Variants in EVA1A observed in about 807,000 individuals in gnomAD.
The protein encoded by EVA1A is protein eva-1 homolog A.
A neutral mutation model predicts 9.8 loss-of-function variants in EVA1A; 7 were observed. The observed-to-expected ratio is 0.71, with a 90% CI of 0.41 to 1.34. The LOEUF is 1.34. EVA1A is among the 40% of genes most tolerant of loss of function. The pLI is 0.01. For synonymous variants in EVA1A, 90 were observed against 85.6 expected (o/e 1.05, Z -0.28); for missense variants, 206 against 205.9 (o/e 1.00, Z 0.00).
At chr2:75,510,671 A>G (rs1674778314) in intron 3 of EVA1A, among the ~76,000 whole-genome samples, 1 of 152,244 alleles carries the variant, frequency 6.6e-6, no homozygotes, top group African/African-American at 2.4e-5. Context: ...TCTGAAAAAT[A>G]TTACTATAAG....
At chr2:75,498,660 A>C (rs1355905200) in intron 3 of EVA1A, among the ~76,000 whole-genome samples, 1 of 152,190 alleles carries the variant, frequency 6.6e-6, no homozygotes, top group Non-Finnish European at 1.5e-5. Flanking sequence ...GATATTATTT[A>C]ACAATTAGCT....
In EVA1A at chr2:75,493,069, A is replaced by G. The variant is rs1252322006; in HGVS notation, c.*167T>C. ...CTTTGATTTTTCTACTTCTCCATAC[A>G]TTTGGCCAAAAAGGAGCAATCCTCC... On this transcript the variant is annotated 3_prime_UTR_variant, in exon 4 of 4. Coordinates refer to ENST00000393913, the MANE Select transcript of EVA1A (RefSeq NM_001135032.2). The G allele has an allele frequency of 1.1e-5, 11 of 974,348 alleles. No individual in the cohort carries two copies. In the African/African-American group the frequency reaches 1.8e-4, roughly 16 times the overall value. 60.4% of individuals were successfully genotyped at this position (974,348 alleles called of 1,614,324 possible).
At chr2:75,507,377 T>C (rs545572021) in intron 3 of EVA1A, among the ~76,000 whole-genome samples, 4 of 152,346 alleles carry the variant, frequency 2.6e-5, no homozygotes, top group African/African-American at 9.6e-5. Context: ...ACCATCTATG[T>C]GGCTAGGACT....
chr2:75,553,882 C>T (rs1676611508), intron 1 of EVA1A, among the ~76,000 whole-genome samples: 1 of 152,168 alleles, frequency 6.6e-6, no homozygotes, highest in Admixed American at 6.5e-5. Flanking sequence ...GCTCATTCCG[C>T]CCACTCTCAG....
At chr2:75,508,790 C>G (rs1674709564) in intron 3 of EVA1A, among the ~76,000 whole-genome samples, 1 of 152,072 alleles carries the variant, frequency 6.6e-6, no homozygotes, top group South Asian at 2.1e-4. Flanking sequence ...CCCGGATGCC[C>G]AGCTTTAAAA....
At chr2:75,513,281 C>T (rs11685072) in intron 3 of EVA1A, among the ~76,000 whole-genome samples, 1 of 152,076 alleles carries the variant, frequency 6.6e-6, no homozygotes, top group Non-Finnish European at 1.5e-5. Flanking sequence ...GTAAAAGCAC[C>T]TAAAATCTAC....
At chr2:75,535,501 C>T (rs988620092) in intron 1 of EVA1A, among the ~76,000 whole-genome samples, 5 of 152,138 alleles carry the variant, frequency 3.3e-5, no homozygotes, top group African/African-American at 1.2e-4. Context: ...ATGTTTACTG[C>T]AGCACAATTC....
chr2:75,525,032 T>C (rs1263012866), intron 1 of EVA1A, among the ~76,000 whole-genome samples: 4 of 152,092 alleles, frequency 2.6e-5, no homozygotes, highest in African/African-American at 9.7e-5. Context: ...TCTTGCCCCA[T>C]ATACAAAATG....
chr2:75,500,653 C>T (rs565323968), intron 3 of EVA1A, among the ~76,000 whole-genome samples: 1 of 152,080 alleles, frequency 6.6e-6, no homozygotes, highest in African/African-American at 2.4e-5. Context: ...TCACATCGAT[C>T]TCATTCTCTT....
Position 75,506,739 on chromosome 2 carries a change from A to G in EVA1A, c.85+11317T>C, listed in dbSNP as rs995927706. On this transcript the variant is annotated intron_variant, in intron 3 of 3. Transcript: ENST00000393913. ...TCCAAGAGAATGTGTAAGAACTATCAAGTCTTAGGACACATGGCCAGGACC... is the reference window on the plus strand; with the variant it reads ...TCCAAGAGAATGTGTAAGAACTATCGAGTCTTAGGACACATGGCCAGGACC... Among the ~76,000 whole-genome samples, 6 of 152,310 alleles carry G rather than the reference A, an allele frequency of 3.9e-5. No individual in the cohort carries two copies. The South Asian group carries it at 1.0e-3, about 26-fold the overall frequency.
chr2:75,522,122 G>A (rs1331010351), intron 2 of EVA1A, among the ~76,000 whole-genome samples: 4 of 152,108 alleles, frequency 2.6e-5, no homozygotes, highest in Non-Finnish European at 5.9e-5. Context: ...AAGATCGTAT[G>A]AATAGATGAA....
chr2:75,509,438 A>C (rs1414935366), intron 3 of EVA1A, among the ~76,000 whole-genome samples: 1 of 152,152 alleles, frequency 6.6e-6, no homozygotes, highest in Non-Finnish European at 1.5e-5. Context: ...CATGTTATTA[A>C]AATTTTTTAT....
chr2:75,538,785 A>G lies in EVA1A; in HGVS notation c.-191-16298T>C, dbSNP rs576629142. On this transcript the variant is annotated intron_variant, in intron 1 of 3. Transcript: ENST00000393913. ...GATTTCATTTATACAACATTCTTGA[A>G]ATGACAAAATTATAGAAATAGGGAA... Among the ~76,000 whole-genome samples the G allele has an allele frequency of 8.8e-4, 134 of 152,354 alleles. 1 individual carries two copies. Among genetic ancestry groups the G allele is most frequent in the African/African-American group, 3.1e-3 (129 of 41,586 alleles).
intron 1 of EVA1A, among the ~76,000 whole-genome samples, chr2:75,531,994 C>A (rs1675670535): frequency 6.6e-6 from 1 of 151,410 alleles, no homozygotes; most frequent in Non-Finnish European, 1.5e-5. Flanking sequence ...CCCGTCTCTA[C>A]TAAAAATACA....
At chr2:75,564,113 C>A (rs142158686), upstream of EVA1A, among the ~76,000 whole-genome samples, 54 of 152,320 alleles carry the variant, frequency 3.5e-4, no homozygotes, top group South Asian at 3.9e-3. Flanking sequence ...TAGACTAGGG[C>A]AAATTCTCAA....
chr2:75,559,700 G>C (rs1676846846), intron 1 of EVA1A, among the ~76,000 whole-genome samples: 1 of 137,182 alleles, frequency 7.3e-6, no homozygotes, highest in South Asian at 2.8e-4. Flanking sequence ...AAGGAGGTGG[G>C]GGGGGGGCGG....
intron 3 of EVA1A, among the ~76,000 whole-genome samples, chr2:75,498,016 C>A (rs959695194): frequency 2.0e-5 from 3 of 152,056 alleles, no homozygotes; most frequent in African/African-American, 4.8e-5. Context: ...AAAAAAGATA[C>A]CTGTACTTGT....
At chr2:75,541,575 A>G (rs115714250) in intron 1 of EVA1A, among the ~76,000 whole-genome samples, 2,399 of 152,228 alleles carry the variant, frequency 0.016, 56 homozygotes, top group African/African-American at 0.055. Context: ...GGCTGGTCCT[A>G]ACTAGGAGGA....
chr2:75,516,282 T>G (rs1317867856), intron 3 of EVA1A, among the ~76,000 whole-genome samples: 3 of 152,266 alleles, frequency 2.0e-5, no homozygotes, highest in East Asian at 3.8e-4. Flanking sequence ...TCACTTATAA[T>G]CAGGGAGTGT....
Sources: allele counts gnomAD v4.1 joint callset (sites outside exome capture counted in the v4.1 genomes callset), GRCh38; gene constraint gnomAD v4.1.1; transcripts MANE v1.5; gene names NCBI Gene and HGNC (gene_info 2026-07-23, HGNC 2026-07-21).